Variants in PRDM16 observed in about 807,000 individuals in gnomAD.
The protein encoded by PRDM16 is histone-lysine N-methyltransferase PRDM16.
A neutral mutation model predicts 110.6 loss-of-function variants in PRDM16; 23 were observed. The ratio of observed to expected loss-of-function variants is 0.21; its 90% CI spans 0.15 to 0.29. The LOEUF (loss-of-function observed/expected upper bound fraction) is 0.29. Among genes scored for constraint, PRDM16 ranks in the 10% least tolerant of loss-of-function variants. The pLI, the probability that PRDM16 is intolerant of heterozygous loss-of-function variation, is 1.00. For missense variants in PRDM16, 1,615 were observed against 1,794.3 expected, an observed-to-expected ratio of 0.90 and a Z score of 1.81; for synonymous variants, 799 against 781.8, an observed-to-expected ratio of 1.02 and a Z score of -0.37.
At chr1:3,194,946 T>C (rs1055094780) in intron 2 of PRDM16, among the ~76,000 whole-genome samples, 2 of 152,336 alleles carry the variant, frequency 1.3e-5, no homozygotes, top group African/African-American at 4.8e-5. Flanking sequence ...TGGAGAGTTC[T>C]GCGTGAGGCC....
intron 3 of PRDM16, among the ~76,000 whole-genome samples, chr1:3,330,029 G>A (rs1022245503): frequency 6.6e-5 from 10 of 152,252 alleles, no homozygotes; most frequent in Non-Finnish European, 2.9e-5. Context: ...GGCTCTGATT[G>A]CGATCACAAG....
intron 3 of PRDM16, among the ~76,000 whole-genome samples, chr1:3,323,353 G>A (rs1274888653): frequency 2.0e-5 from 3 of 152,254 alleles, no homozygotes; most frequent in Non-Finnish European, 4.4e-5. Flanking sequence ...CCTGCACCAC[G>A]TGGGGCGGGC....
intron 3 of PRDM16, among the ~76,000 whole-genome samples, chr1:3,261,095 G>T (rs1408234813): frequency 6.8e-6 from 1 of 146,550 alleles, no homozygotes; most frequent in East Asian, 2.1e-4. Flanking sequence ...CAGTGCTCAG[G>T]AGAGTCCTTC....
At chr1:3,144,817 AC>A (rs1366310506) in intron 1 of PRDM16, among the ~76,000 whole-genome samples, 5 of 152,182 alleles carry the variant, frequency 3.3e-5, no homozygotes, top group African/African-American at 9.7e-5. Flanking sequence ...AAGCAGAGAT[AC>A]ACACATGTCT....
At chr1:3,307,543 C>T (rs1354950180) in intron 3 of PRDM16, 1 of 152,182 alleles carries the variant, frequency 6.6e-6, no homozygotes, top group African/African-American at 2.4e-5. Context: ...CAGACACCTC[C>T]CAGCAGGCTT....
At position 3,407,995 on chromosome 1, in the gene PRDM16, C is replaced by T. The variant is rs563665496; in HGVS notation, c.1186+2347C>T. ...TAGAAATTAGATCAGACACAAGCAA[C>T]GCAGCCCTGGTATCCCCCAGGCCAC... is the stretch of plus-strand genomic sequence containing the variant. On this transcript the variant is annotated intron_variant, in intron 8 of 16. Coordinates refer to ENST00000270722, the MANE Select transcript of PRDM16 (RefSeq NM_022114.4). Among the ~76,000 whole-genome samples, 22 of 152,324 alleles carry T rather than the reference C, an allele frequency of 1.4e-4. No homozygotes were observed. In the South Asian group the frequency reaches 3.7e-3, roughly 26 times the overall value.
At chr1:3,301,472 G>T (rs185913446) in intron 3 of PRDM16, among the ~76,000 whole-genome samples, 71 of 152,262 alleles carry the variant, frequency 4.7e-4, no homozygotes, top group Admixed American at 1.4e-3. Flanking sequence ...GTTAGATTTG[G>T]TCATTTTAAG....
intron 1 of PRDM16, among the ~76,000 whole-genome samples, chr1:3,165,324 G>A (rs558145251): frequency 6.7e-6 from 1 of 149,768 alleles, no homozygotes; most frequent in East Asian, 2.1e-4. Flanking sequence ...GTTGCACTTG[G>A]CCTCAGGGGC....
At chr1:3,298,449 T>C (rs781282307) in intron 3 of PRDM16, among the ~76,000 whole-genome samples, 81 of 152,356 alleles carry the variant, frequency 5.3e-4, no homozygotes, top group Non-Finnish European at 8.8e-4. Flanking sequence ...CGTTGCTCGA[T>C]GGAGGCACTG....
At chr1:3,151,019 G>T (rs1435893067) in intron 1 of PRDM16, among the ~76,000 whole-genome samples, 3 of 140,264 alleles carry the variant, frequency 2.1e-5, no homozygotes, top group African/African-American at 7.8e-5. Flanking sequence ...GAAATGGGGG[G>T]CTGGTCCTAG....
At chr1:3,075,127 G>T (rs1031031572) in intron 1 of PRDM16, among the ~76,000 whole-genome samples, 2 of 152,262 alleles carry the variant, frequency 1.3e-5, no homozygotes, top group African/African-American at 4.8e-5. Flanking sequence ...AGCCTGAGAC[G>T]CGGGAACAAT....
intron 1 of PRDM16, among the ~76,000 whole-genome samples, chr1:3,109,069 A>G (rs1642727731): frequency 7.0e-6 from 1 of 143,446 alleles, no homozygotes. Flanking sequence ...GTGACAGAGG[A>G]AGACTCCATC....
chr1:3,308,877 G>A (rs1641374545), intron 3 of PRDM16: 1 of 152,232 alleles, frequency 6.6e-6, no homozygotes, highest in African/African-American at 2.4e-5. Context: ...GTAATGCAAT[G>A]TAATGTAATT....
chr1:3,203,398 T>C (rs1263478368), intron 2 of PRDM16, among the ~76,000 whole-genome samples: 1 of 152,232 alleles, frequency 6.6e-6, no homozygotes, highest in Non-Finnish European at 1.5e-5. Context: ...CCTGGCACAC[T>C]GCTGTGACTG....
intron 3 of PRDM16, among the ~76,000 whole-genome samples, chr1:3,336,007 A>G (rs1037856652): frequency 1.3e-5 from 2 of 152,238 alleles, no homozygotes; most frequent in African/African-American, 4.8e-5. Context: ...AGCCCCACAG[A>G]GGAGGCTGTG....
chr1:3,320,643 A>G (rs556056956), intron 3 of PRDM16, among the ~76,000 whole-genome samples: 1 of 152,272 alleles, frequency 6.6e-6, no homozygotes, highest in African/African-American at 2.4e-5. Context: ...GAAAACTCTC[A>G]CGCTGTTGGA....
chr1:3,168,537 T>G (rs1209440318), intron 1 of PRDM16, among the ~76,000 whole-genome samples: 15 of 148,292 alleles, frequency 1.0e-4, no homozygotes, highest in Admixed American at 8.0e-4. Context: ...AAATGAGAAG[T>G]CCGGAGAAAG....
intron 1 of PRDM16, among the ~76,000 whole-genome samples, chr1:3,152,117 A>C (rs1188589959): frequency 2.0e-5 from 3 of 152,316 alleles, no homozygotes; most frequent in Admixed American, 1.3e-4. Context: ...CTGAGCATGG[A>C]CGTGGCTGGA....
rs1226544737 is a variant in PRDM16 at position 3,079,413 on chromosome 1, C to T, written c.37+10117C>T. Among the ~76,000 whole-genome samples the T allele has an allele frequency of 2.5e-5, 3 of 119,378 alleles. No homozygotes were observed. In the East Asian group the frequency reaches 8.1e-4, roughly 32 times the overall value. The allele number at this position is 119,378 out of a possible 152,430, so 78.3% of individuals were successfully genotyped here. A position where few individuals can be genotyped will look rare whatever the true frequency, so the allele number is the denominator to read the frequency against. On this transcript the variant is annotated intron_variant, in intron 1 of 16. Coordinates refer to ENST00000270722, the MANE Select transcript of PRDM16 (RefSeq NM_022114.4). Reference sequence around the variant, plus strand: ...TGTGTGCACAGGGATCCTGCGGTTGCAGGGCTGTCAGGGGGACTGTCCCAA... The same window carrying T: ...TGTGTGCACAGGGATCCTGCGGTTGTAGGGCTGTCAGGGGGACTGTCCCAA...
Sources: allele counts gnomAD v4.1 joint callset (sites outside exome capture counted in the v4.1 genomes callset), GRCh38; gene constraint gnomAD v4.1.1; transcripts MANE v1.5; gene names NCBI Gene and HGNC (gene_info 2026-07-23, HGNC 2026-07-21).